CMIP: variants seen among roughly 807,000 people sequenced by gnomAD.
CMIP encodes the protein C-Maf-inducing protein.
In CMIP, 13 loss-of-function variants were observed where a neutral mutation model predicts 97.3. The ratio of observed to expected loss-of-function variants is 0.13; its 90% CI spans 0.09 to 0.21. The LOEUF (loss-of-function observed/expected upper bound fraction) is 0.21. CMIP is among the 10% of genes least tolerant of loss of function. CMIP has a pLI of 1.00. For missense variants in CMIP, 847 were observed against 1,024.9 expected, an observed-to-expected ratio of 0.83 and a Z score of 2.37; for synonymous variants, 538 against 436.3, an observed-to-expected ratio of 1.23 and a Z score of -2.91.
chr16:81,590,174 G>T (rs900337850), intron 1 of CMIP, among the ~76,000 whole-genome samples: 2 of 152,150 alleles, frequency 1.3e-5, no homozygotes, highest in African/African-American at 2.4e-5. Context: ...GAATGACCAC[G>T]CCCCTCTGAG....
At chr16:81,677,701 G>C (rs1904413838) in intron 9 of CMIP, among the ~76,000 whole-genome samples, 1 of 152,238 alleles carries the variant, frequency 6.6e-6, no homozygotes, top group African/African-American at 2.4e-5. Flanking sequence ...CCTCTGGGCA[G>C]TTAAAGATGC....
chr16:81,554,387 A>C (rs2090720146), intron 1 of CMIP, among the ~76,000 whole-genome samples: 1 of 152,220 alleles, frequency 6.6e-6, no homozygotes, highest in Non-Finnish European at 1.5e-5. Context: ...AGAGTTGGGC[A>C]GGAGATTCCT....
intron 7 of CMIP, among the ~76,000 whole-genome samples, chr16:81,668,709 G>A (rs947306095): frequency 3.3e-5 from 5 of 152,026 alleles, no homozygotes; most frequent in African/African-American, 1.2e-4. Context: ...ATAGTGACAC[G>A]TGCCAGTGCC....
chr16:81,446,583 C>A (rs1055976982), intron 1 of CMIP, among the ~76,000 whole-genome samples: 1 of 152,032 alleles, frequency 6.6e-6, no homozygotes, highest in East Asian at 1.9e-4. Flanking sequence ...CCAGAATGCA[C>A]ACTCCTCCCT....
intron 1 of CMIP, among the ~76,000 whole-genome samples, chr16:81,528,757 A>G (rs1359789815): frequency 1.3e-5 from 2 of 152,222 alleles, no homozygotes; most frequent in Non-Finnish European, 2.9e-5. Context: ...TGAAAGAAAC[A>G]TAGAATTAAG....
intron 1 of CMIP, among the ~76,000 whole-genome samples, chr16:81,534,374 G>C (rs1463217718): frequency 6.6e-6 from 1 of 152,030 alleles, no homozygotes; most frequent in Non-Finnish European, 1.5e-5. Flanking sequence ...TTCAATTATG[G>C]CATGTGTCTT....
intron 2 of CMIP, among the ~76,000 whole-genome samples, chr16:81,608,708 C>T (rs1336916828): frequency 6.6e-6 from 1 of 151,948 alleles, no homozygotes; most frequent in African/African-American, 2.4e-5. Flanking sequence ...ACCACGACCA[C>T]GGTCACACAT....
chr16:81,696,811 G>A lies in CMIP; in HGVS notation c.1638+144G>A, dbSNP rs372709386. On this transcript the variant is annotated intron_variant, in intron 14 of 20. Coordinates refer to ENST00000537098, the MANE Select transcript of CMIP (RefSeq NM_198390.3). ...AGTGCTGATCATGAAGGTGGTGGTG[G>A]TGGTGGTGGTGATGGTGACCGTGAC... The A allele has an allele frequency of 5.9e-6, 4 of 681,236 alleles. No individual in the cohort carries two copies. Among genetic ancestry groups the A allele is most frequent in the Non-Finnish European group, 9.5e-6 (4 of 423,036 alleles). The allele number at this position is 681,236 out of a possible 1,614,324, so 42.2% of individuals were successfully genotyped here.
At chr16:81,500,541 T>C (rs2089589626) in intron 1 of CMIP, among the ~76,000 whole-genome samples, 1 of 147,836 alleles carries the variant, frequency 6.8e-6, no homozygotes, top group East Asian at 2.0e-4. Flanking sequence ...CAGGCTGGAG[T>C]GCAGTGGTGC....
chr16:81,650,518 T>C (rs2092415630), intron 3 of CMIP, among the ~76,000 whole-genome samples: 1 of 151,510 alleles, frequency 6.6e-6, no homozygotes, highest in Non-Finnish European at 1.5e-5. Flanking sequence ...TTGGTGTGAG[T>C]TCATGGGGGC....
At chr16:81,582,085 C>T (rs908955184) in intron 1 of CMIP, among the ~76,000 whole-genome samples, 2 of 152,112 alleles carry the variant, frequency 1.3e-5, no homozygotes, top group Admixed American at 6.6e-5. Flanking sequence ...CACTTTAAAC[C>T]ACCAGATCTC....
intron 2 of CMIP, among the ~76,000 whole-genome samples, chr16:81,615,288 G>A (rs1328962040): frequency 1.3e-5 from 1 of 74,300 alleles, no homozygotes; most frequent in African/African-American, 5.7e-5. Flanking sequence ...GCTGTGTGGT[G>A]TGTGTGCATG....
chr16:81,451,972 A>C (rs1043440105), intron 1 of CMIP, among the ~76,000 whole-genome samples: 1 of 152,248 alleles, frequency 6.6e-6, no homozygotes, highest in Non-Finnish European at 1.5e-5. Flanking sequence ...AGCTTCGCTT[A>C]CATCAGCAGA....
chr16:81,645,434 T>A, intron 3 of CMIP: 1 of 1,507,150 alleles, frequency 6.6e-7, no homozygotes. Context: ...CGCGACGTGC[T>A]TCCAGTGCAT....
At position 81,471,555 on chromosome 16, in the gene CMIP, G is replaced by GCACA. The variant is rs1424070284; in HGVS notation, c.300+26021_300+26024dup. 2.6e-5 allele frequency among the ~76,000 whole-genome samples: 4 copies of GCACA among 151,224 alleles called. No homozygotes were observed. In the South Asian group the frequency reaches 6.3e-4, roughly 24 times the overall value. On this transcript the variant is annotated intron_variant, in intron 1 of 20. Transcript: ENST00000537098. Reference sequence around the variant, plus strand: ...TACCAGTGTACACATACACACATGTGCACACACACATGCATACACAAATAC... The same window carrying GCACA: ...TACCAGTGTACACATACACACATGTGCACACACACACACATGCATACACAAATAC...
At chr16:81,511,051 G>C (rs2089800994) in intron 1 of CMIP, among the ~76,000 whole-genome samples, 1 of 152,092 alleles carries the variant, frequency 6.6e-6, no homozygotes, top group East Asian at 1.9e-4. Context: ...CATATACTGA[G>C]AGCATGGGGG....
chr16:81,542,732 C>T (rs992121284), intron 1 of CMIP, among the ~76,000 whole-genome samples: 1 of 152,054 alleles, frequency 6.6e-6, no homozygotes, highest in Non-Finnish European at 1.5e-5. Flanking sequence ...GCACTCTGGC[C>T]TCTCTTCTTA....
chr16:81,670,059 C>A (rs1472108529), intron 7 of CMIP, 83 bp from the exon 8 acceptor site: 1 of 1,341,068 alleles, frequency 7.5e-7, no homozygotes, highest in East Asian at 2.5e-5. Flanking sequence ...CTCGGTCCCG[C>A]CCTTCTTTCT....
chr16:81,638,704 A>G (rs1296537506), intron 3 of CMIP, among the ~76,000 whole-genome samples: 1 of 151,802 alleles, frequency 6.6e-6, no homozygotes, highest in Non-Finnish European at 1.5e-5. Context: ...CAAAATCTTA[A>G]CTTAAAACCT....
Sources: gnomAD v4.1 joint callset for allele counts (sites outside exome capture counted in the v4.1 genomes callset) on GRCh38, gnomAD v4.1.1 for gene constraint, MANE v1.5 for transcripts, NCBI Gene and HGNC (gene_info 2026-07-23, HGNC 2026-07-21) for gene names.